The following ATP2C2 variants were observed in gnomAD, a reference collection of about 807,000 sequenced individuals.
ATP2C2 encodes the protein ATPase secretory pathway Ca2+ transporting 2, also known as calcium-transporting ATPase type 2C member 2.
A neutral mutation model predicts 110.8 loss-of-function variants in ATP2C2; 171 were observed. The ratio of observed to expected loss-of-function variants is 1.54; its 90% CI spans 1.36 to 1.75. The LOEUF is 1.75. Ranked by LOEUF, ATP2C2 falls within the 40% of genes most tolerant of loss-of-function variation. The pLI is 0.00. For missense variants in ATP2C2, 1,963 were observed against 1,235.0 expected, an observed-to-expected ratio of 1.59 and a Z score of -8.84; for synonymous variants, 804 against 508.4, an observed-to-expected ratio of 1.58 and a Z score of -7.82.
At position 84,462,147 on chromosome 16, in the gene ATP2C2, G is replaced by A. The variant is rs1295701025; in HGVS notation, c.2722+18G>A. 6 of 1,607,074 alleles carry A rather than the reference G, an allele frequency of 3.7e-6. No homozygotes were observed. Among genetic ancestry groups the A allele is most frequent in the Non-Finnish European group, 3.4e-6 (4 of 1,175,410 alleles). On this transcript the variant is annotated intron_variant, in intron 26 of 26. Transcript: ENST00000262429. Reference sequence around the variant, plus strand: ...AGCGCTTGGTGAGTGGTGGGGACGGGAACGACAGGTGACCTCGACCAGGGC... The same window carrying A: ...AGCGCTTGGTGAGTGGTGGGGACGGAAACGACAGGTGACCTCGACCAGGGC...
rs540578104 is a variant in ATP2C2, at chr16:84,412,322, G to A, written c.515+1557G>A. 1.5e-3 allele frequency among the ~76,000 whole-genome samples: 136 copies of A among 90,254 alleles called. 1 individual carries two copies. The highest frequency in any genetic ancestry group is 4.8e-3 in the African/African-American group (130 of 27,060). 59.2% of individuals were successfully genotyped at this position (90,254 alleles called of 152,430 possible). ...TGTGTGAGCATGTCTGCACGTGTGT[G>A]TGCGTGTGTGTCTGTATGCGTGTGT... On this transcript the variant is annotated intron_variant, in intron 6 of 26. Coordinates refer to ENST00000262429, the MANE Select transcript of ATP2C2 (RefSeq NM_014861.4).
intron 15 of ATP2C2, among the ~76,000 whole-genome samples, chr16:84,443,201 A>G (rs1475530717): frequency 6.6e-6 from 1 of 152,096 alleles, no homozygotes; most frequent in Non-Finnish European, 1.5e-5. Flanking sequence ...AGCAAGGAGA[A>G]GAGAGGACAA....
At position 84,452,029 on chromosome 16, in the gene ATP2C2, C is replaced by T; in HGVS notation, c.1769C>T (p.Ser590Phe). ...GTGAAGGAAGCAGTCCAGGTTCTCTCCGAGTCTGGTGTGTCTGTGAAGATG... is the reference window on the plus strand; with the variant it reads ...GTGAAGGAAGCAGTCCAGGTTCTCTTCGAGTCTGGTGTGTCTGTGAAGATG... ...VGVKEAVQVLSESGVSVKMIT... is the reference protein window; with the variant it reads ...VGVKEAVQVLFESGVSVKMIT... The change falls in exon 18 of 27, where the codon TCC (serine) becomes TTC (phenylalanine). Residue 590 changes from serine (S) to phenylalanine (F), a missense_variant. Coordinates refer to ENST00000262429, the MANE Select transcript of ATP2C2 (RefSeq NM_014861.4). 3.7e-6 allele frequency: 6 copies of T among 1,613,634 alleles called. No homozygotes were observed. The highest frequency in any genetic ancestry group is 5.1e-6 in the Non-Finnish European group (6 of 1,179,958).
chr16:84,372,646 G>C (rs943708356), intron 1 of ATP2C2, among the ~76,000 whole-genome samples: 2 of 151,554 alleles, frequency 1.3e-5, no homozygotes, highest in African/African-American at 4.8e-5. Context: ...GGCTGGTCTC[G>C]AACTCCTGAC....
intron 7 of ATP2C2, among the ~76,000 whole-genome samples, chr16:84,419,238 A>AAAAAAAAT (rs1555559558): frequency 4.6e-4 from 63 of 138,412 alleles, no homozygotes; most frequent in African/African-American, 1.6e-3. Context: ...AAAAAAAAAA[A>AAAAAAAAT]GTGCTACTGG....
At chr16:84,428,892 T>C (rs1811721325) in intron 11 of ATP2C2, among the ~76,000 whole-genome samples, 1 of 152,224 alleles carries the variant, frequency 6.6e-6, no homozygotes, top group Admixed American at 6.5e-5. Flanking sequence ...ACTTTCCCCC[T>C]AGACCTGTTT....
chr16:84,420,192 T>G (rs1012449737), intron 7 of ATP2C2, among the ~76,000 whole-genome samples: 2 of 152,164 alleles, frequency 1.3e-5, no homozygotes, highest in African/African-American at 4.8e-5. Flanking sequence ...ACCCTGGTGT[T>G]GGATCCAGTG....
chr16:84,431,530 T>G (rs1478882418), intron 11 of ATP2C2, among the ~76,000 whole-genome samples: 1 of 151,388 alleles, frequency 6.6e-6, no homozygotes, highest in African/African-American at 2.4e-5. Context: ...GGGGATGGAC[T>G]GGAAGAGGTG....
At chr16:84,448,214 C>T (rs372094563) in intron 16 of ATP2C2, among the ~76,000 whole-genome samples, 1 of 152,118 alleles carries the variant, frequency 6.6e-6, no homozygotes, top group East Asian at 1.9e-4. Context: ...AGGCACAGTC[C>T]CAGCTGGGAT....
intron 14 of ATP2C2, among the ~76,000 whole-genome samples, chr16:84,441,647 G>C (rs115682649): frequency 6.6e-6 from 1 of 151,980 alleles, no homozygotes; most frequent in South Asian, 2.1e-4. Context: ...ATGACCAGGC[G>C]TGGTGGCTCA....
intron 11 of ATP2C2, among the ~76,000 whole-genome samples, chr16:84,432,439 C>G (rs1160465529): frequency 1.3e-5 from 2 of 151,942 alleles, no homozygotes; most frequent in African/African-American, 4.8e-5. Flanking sequence ...CCGAACCCCC[C>G]GACAGGCCTG....
chr16:84,460,991 G>A, intron 24 of ATP2C2, 190 bp downstream of exon 24: 4 of 781,972 alleles, frequency 5.1e-6, no homozygotes, highest in Non-Finnish European at 7.6e-6. Context: ...TGAAAGAAGG[G>A]AGGTCGCCAG....
At chr16:84,404,880 A>G (rs1410613123) in intron 2 of ATP2C2, 1 of 571,934 alleles carries the variant, frequency 1.7e-6, no homozygotes. Flanking sequence ...CTGCATTTCC[A>G]TTTGTTGAAA....
rs182046692 is a variant in ATP2C2, at chr16:84,410,835, G to T, written c.515+70G>T. On this transcript the variant is annotated intron_variant, in intron 6 of 26. Coordinates refer to ENST00000262429, the MANE Select transcript of ATP2C2 (RefSeq NM_014861.4). Reference sequence around the variant, plus strand: ...CAGGGAGCTGGAGAGTTTGGCAAATGTTTGCTGAAAGTTGTATCCTTGGTA... The same window carrying T: ...CAGGGAGCTGGAGAGTTTGGCAAATTTTTGCTGAAAGTTGTATCCTTGGTA... The T allele has an allele frequency of 7.8e-5, 115 of 1,479,612 alleles. No individual in the cohort carries two copies. In the African/African-American group the frequency reaches 1.1e-3, roughly 14 times the overall value. The allele number at this position is 1,479,612 out of a possible 1,614,324, so 91.7% of individuals were successfully genotyped here.
chr16:84,430,303 C>G (rs2875891), intron 11 of ATP2C2, among the ~76,000 whole-genome samples: 5 of 152,000 alleles, frequency 3.3e-5, no homozygotes, highest in Non-Finnish European at 7.4e-5. Context: ...CCCGTCTACG[C>G]GAACGGCAAA....
At position 84,464,058 on chromosome 16, in the gene ATP2C2, C is replaced by T. The variant is rs1911674884; in HGVS notation, c.*326C>T. On this transcript the variant is annotated 3_prime_UTR_variant, in exon 27 of 27. Transcript: ENST00000262429. ...TTGCAGTGAGGCAGGCCACTCGTGGCAGATACAAGGGGCTCCTGAGAGGCA... is the reference window on the plus strand; with the variant it reads ...TTGCAGTGAGGCAGGCCACTCGTGGTAGATACAAGGGGCTCCTGAGAGGCA... 9.2e-6 allele frequency: 2 copies of T among 218,132 alleles called. No homozygotes were observed. The highest frequency in any genetic ancestry group is 2.1e-4 in the East Asian group (2 of 9,342). The allele number at this position is 218,132 out of a possible 1,614,324, so 13.5% of individuals were successfully genotyped here.
intron 14 of ATP2C2, among the ~76,000 whole-genome samples, chr16:84,441,279 T>A (rs247899): frequency 0.51 from 77,549 of 151,646 alleles, 20,754 homozygotes; most frequent in East Asian, 0.9. Flanking sequence ...TTATTTTTTT[T>A]AAAAAAATTA....
intron 11 of ATP2C2, among the ~76,000 whole-genome samples, chr16:84,431,425 G>A (rs138484025): frequency 6.6e-6 from 1 of 152,264 alleles, no homozygotes; most frequent in East Asian, 1.9e-4. Context: ...GAACTTGGGA[G>A]GCAGAGGTTG....
intron 11 of ATP2C2, among the ~76,000 whole-genome samples, chr16:84,436,711 T>A (rs1369005234): frequency 1.3e-5 from 2 of 149,740 alleles, no homozygotes; most frequent in Non-Finnish European, 3.0e-5. Context: ...CCGGCCAACC[T>A]CCCTCACCTG....
Sources: gnomAD v4.1 joint callset for allele counts (sites outside exome capture counted in the v4.1 genomes callset) on GRCh38, gnomAD v4.1.1 for gene constraint, MANE v1.5 for transcripts, NCBI Gene and HGNC (gene_info 2026-07-23, HGNC 2026-07-21) for gene names.